Variants in PELI2 observed in about 807,000 individuals in gnomAD.
PELI2 encodes the protein E3 ubiquitin-protein ligase pellino homolog 2.
Under a neutral mutation model 42.3 loss-of-function variants are expected in PELI2, and 23 were observed. The observed-to-expected ratio is 0.54, with a 90% confidence interval of 0.39 to 0.77. The LOEUF is 0.77. Among genes scored for constraint, PELI2 ranks in the 30% least tolerant of loss-of-function variants. PELI2 has a pLI of 0.00. For missense variants in PELI2, 463 were observed against 553.2 expected (o/e 0.84, Z 1.64); for synonymous variants, 245 against 212.2 (o/e 1.15, Z -1.34).
At chr14:56,155,432 A>G (rs958938530) in intron 1 of PELI2, among the ~76,000 whole-genome samples, 3 of 152,148 alleles carry the variant, frequency 2.0e-5, no homozygotes, top group Non-Finnish European at 2.9e-5. Context: ...AAGTAGCTTC[A>G]GTTTCCCTAG....
Position 56,197,765 on chromosome 14 carries a change from C to G in PELI2, c.207+19301C>G, listed in dbSNP as rs996118637. ...ACATCAGGTAAAAGCTTGCATAGAA[C>G]GAAAAGATTAACCCAATCCAAGCAA... On this transcript the variant is annotated intron_variant, in intron 2 of 5. Coordinates refer to ENST00000267460, the MANE Select transcript of PELI2 (RefSeq NM_021255.3). The surrounding 1 kb of genome is among the most constrained non-coding windows in gnomAD (Gnocchi z 4.9). Among the ~76,000 whole-genome samples, 2 of 152,026 alleles carry G rather than the reference C, an allele frequency of 1.3e-5. No homozygotes were observed. Among genetic ancestry groups the G allele is most frequent in the Non-Finnish European group, 2.9e-5 (2 of 68,020 alleles).
At chr14:56,218,650 AT>A (rs1462357327) in intron 2 of PELI2, among the ~76,000 whole-genome samples, 21 of 152,210 alleles carry the variant, frequency 1.4e-4, no homozygotes, top group Admixed American at 1.1e-3. Context: ...GTTGCGGGTA[AT>A]GCCTTAAGAA....
At chr14:56,226,626 C>T (rs1469630333) in intron 2 of PELI2, among the ~76,000 whole-genome samples, 1 of 152,168 alleles carries the variant, frequency 6.6e-6, no homozygotes, top group African/African-American at 2.4e-5. Flanking sequence ...CTTCCCCTTC[C>T]AGACGTAGAT....
intron 5 of PELI2, among the ~76,000 whole-genome samples, chr14:56,293,281 C>T (rs565985323): frequency 6.6e-6 from 1 of 152,200 alleles, no homozygotes. Flanking sequence ...TTCCACAATA[C>T]TGTCAATTCC....
At chr14:56,236,888 A>G (rs1275940105) in intron 2 of PELI2, among the ~76,000 whole-genome samples, 1 of 152,146 alleles carries the variant, frequency 6.6e-6, no homozygotes, top group African/African-American at 2.4e-5. Flanking sequence ...AAGATTTGAG[A>G]TAGGCAACTT....
intron 2 of PELI2, among the ~76,000 whole-genome samples, chr14:56,194,557 A>T (rs1184698121): frequency 6.6e-6 from 1 of 152,210 alleles, no homozygotes; most frequent in African/African-American, 2.4e-5. Flanking sequence ...TGCAGGCCTT[A>T]GTATATTCAT....
intron 1 of PELI2, among the ~76,000 whole-genome samples, chr14:56,122,223 G>A (rs972203527): frequency 2.6e-5 from 4 of 152,068 alleles, no homozygotes; most frequent in African/African-American, 9.7e-5. Context: ...TAACAAACCT[G>A]CACATTCTGC....
chr14:56,268,430 A>G (rs1888979902), intron 2 of PELI2, among the ~76,000 whole-genome samples: 1 of 152,198 alleles, frequency 6.6e-6, no homozygotes, highest in Admixed American at 6.5e-5. Context: ...ATATCTCCTT[A>G]CAAAATTTAC....
At chr14:56,216,053 C>T (rs1886896578) in intron 2 of PELI2, among the ~76,000 whole-genome samples, 1 of 152,194 alleles carries the variant, frequency 6.6e-6, no homozygotes, top group Non-Finnish European at 1.5e-5. Context: ...GAGATGTCAT[C>T]TCTAAGCTTT....
intron 1 of PELI2, among the ~76,000 whole-genome samples, chr14:56,121,499 A>G (rs1328127628): frequency 6.6e-6 from 1 of 152,224 alleles, no homozygotes; most frequent in Non-Finnish European, 1.5e-5. Context: ...TTAATGTATC[A>G]TAGCCACAAC....
chr14:56,263,665 G>T (rs865782028), intron 2 of PELI2, among the ~76,000 whole-genome samples: 1 of 152,032 alleles, frequency 6.6e-6, no homozygotes, highest in Non-Finnish European at 1.5e-5. Context: ...ATATTTAAAG[G>T]TTTAAAAAGC....
At chr14:56,239,938 A>C (rs769657971) in intron 2 of PELI2, among the ~76,000 whole-genome samples, 1 of 152,220 alleles carries the variant, frequency 6.6e-6, no homozygotes, top group Non-Finnish European at 1.5e-5. Context: ...GAAATAATCT[A>C]TCAGTAGCAG....
intron 2 of PELI2, among the ~76,000 whole-genome samples, chr14:56,196,862 T>A (rs1178420105): frequency 1.3e-5 from 2 of 152,220 alleles, no homozygotes; most frequent in Non-Finnish European, 2.9e-5. Context: ...ACTTTGTTCA[T>A]GGTGTCTCAT....
chr14:56,231,290 T>A (rs1054828997), intron 2 of PELI2, among the ~76,000 whole-genome samples: 2 of 152,120 alleles, frequency 1.3e-5, no homozygotes, highest in South Asian at 2.1e-4. Context: ...TCCACCCCAA[T>A]TCAACAGAAT....
At chr14:56,159,262 C>A (rs767195353) in intron 1 of PELI2, among the ~76,000 whole-genome samples, 2 of 152,146 alleles carry the variant, frequency 1.3e-5, no homozygotes, top group Non-Finnish European at 2.9e-5. Flanking sequence ...AGTGGCTTTG[C>A]GCCTGCTGTG....
chr14:56,216,437 C>G (rs536210241), intron 2 of PELI2, among the ~76,000 whole-genome samples: 46 of 152,232 alleles, frequency 3.0e-4, no homozygotes, highest in Non-Finnish European at 6.2e-4. Flanking sequence ...TTGTTGGATA[C>G]TTGAGCAGCA....
At chr14:56,168,398 T>G (rs1409258543) in intron 1 of PELI2, among the ~76,000 whole-genome samples, 2 of 152,170 alleles carry the variant, frequency 1.3e-5, no homozygotes, top group African/African-American at 4.8e-5. Context: ...GTGCAGTTCT[T>G]CCTGTTCTTG....
chr14:56,243,688 A>C (rs1238253518), intron 2 of PELI2, among the ~76,000 whole-genome samples: 1 of 152,192 alleles, frequency 6.6e-6, no homozygotes, highest in Non-Finnish European at 1.5e-5. Context: ...GTTCACAAGA[A>C]TGGATCAGTA....
At chr14:56,121,734 C>T (rs554009407) in intron 1 of PELI2, among the ~76,000 whole-genome samples, 4 of 152,286 alleles carry the variant, frequency 2.6e-5, no homozygotes, top group East Asian at 3.9e-4. Context: ...AATTCCTCCT[C>T]CTCCTCTCTG....
Sources: gnomAD v4.1 joint callset for allele counts (sites outside exome capture counted in the v4.1 genomes callset) on GRCh38, gnomAD v4.1.1 for gene constraint, Gnocchi (gnomAD v3.1) non-coding constraint, MANE v1.5 for transcripts, NCBI Gene and HGNC (gene_info 2026-07-23, HGNC 2026-07-21) for gene names.